Variants in RUNX1 observed in about 807,000 individuals in gnomAD.
The protein encoded by RUNX1 is runt-related transcription factor 1.
In RUNX1, 19 loss-of-function variants were observed where a neutral mutation model predicts 42.8. That is an observed-to-expected ratio of 0.44 (90% CI 0.31 to 0.65). The LOEUF (loss-of-function observed/expected upper bound fraction) is 0.65. RUNX1 is among the 30% of genes least tolerant of loss of function. The pLI is 0.07. For missense variants in RUNX1, 528 were observed against 672.0 expected, an observed-to-expected ratio of 0.79 and a Z score of 2.37; for synonymous variants, 271 against 289.4, an observed-to-expected ratio of 0.94 and a Z score of 0.64.
intron 2 of RUNX1, among the ~76,000 whole-genome samples, chr21:34,994,220 T>A (rs1482055178): frequency 6.6e-6 from 1 of 151,882 alleles, no homozygotes; most frequent in Non-Finnish European, 1.5e-5. Context: ...TTGCTATTCA[T>A]ATATTTTTTA....
chr21:34,841,314 G>A (rs947009843), intron 6 of RUNX1, among the ~76,000 whole-genome samples: 6 of 152,062 alleles, frequency 3.9e-5, no homozygotes, highest in African/African-American at 9.7e-5. Flanking sequence ...CCCACTCAGC[G>A]ATTTCTAGAG....
At chr21:35,017,930 C>A (rs1188353411) in intron 2 of RUNX1, among the ~76,000 whole-genome samples, 1 of 152,128 alleles carries the variant, frequency 6.6e-6, no homozygotes, top group Non-Finnish European at 1.5e-5. Flanking sequence ...AGCAAGGGCA[C>A]CCCAGATATT....
intron 2 of RUNX1, among the ~76,000 whole-genome samples, chr21:34,925,477 G>A (rs910737397): frequency 2.0e-5 from 3 of 152,146 alleles, no homozygotes; most frequent in African/African-American, 7.2e-5. Flanking sequence ...CAGACACAAT[G>A]GGAGAAAGCC....
intron 2 of RUNX1, among the ~76,000 whole-genome samples, chr21:34,943,743 T>G (rs2146641597): frequency 6.6e-6 from 1 of 152,330 alleles, no homozygotes; most frequent in Middle Eastern, 3.4e-3. Flanking sequence ...TACCTGATTA[T>G]TGGCAACTGG....
At chr21:34,819,359 G>A (rs892418167) in intron 7 of RUNX1, among the ~76,000 whole-genome samples, 3 of 152,212 alleles carry the variant, frequency 2.0e-5, no homozygotes, top group Non-Finnish European at 4.4e-5. Context: ...GGAAGATGGA[G>A]ATGACAGGTC....
chr21:34,964,478 ACTC>A (rs1351074635), intron 2 of RUNX1, among the ~76,000 whole-genome samples: 1 of 130,798 alleles, frequency 7.6e-6, no homozygotes, highest in Non-Finnish European at 1.6e-5. Context: ...ACAGAGCGAG[ACTC>A]CATCTCAAAA....
In RUNX1 at chr21:34,887,559, G is replaced by A. The variant is rs1601530757; in HGVS notation, c.98-463C>T. ...GTTAATGCCTGTCAGTTTTTTGCAG[G>A]TGAGTTTTGTCTAAAGTCCCAACAG... On this transcript the variant is annotated intron_variant, in intron 3 of 8. Coordinates refer to ENST00000675419, the MANE Select transcript of RUNX1 (RefSeq NM_001754.5). The A allele has an allele frequency of 1.7e-5, 19 of 1,126,516 alleles. No individual in the cohort carries two copies. In the South Asian group the frequency reaches 4.3e-4, roughly 25 times the overall value. 69.8% of individuals were successfully genotyped at this position (1,126,516 alleles called of 1,614,324 possible).
intron 2 of RUNX1, among the ~76,000 whole-genome samples, chr21:34,950,371 C>G (rs73900724): frequency 0.019 from 2,938 of 152,186 alleles, 95 homozygotes; most frequent in African/African-American, 0.067. Flanking sequence ...TACTGCAGAT[C>G]TAGAGTATAA....
chr21:34,853,008 C>T (rs1025559765), intron 6 of RUNX1, among the ~76,000 whole-genome samples: 1 of 152,194 alleles, frequency 6.6e-6, no homozygotes, highest in Non-Finnish European at 1.5e-5. Flanking sequence ...GCTGTGCACA[C>T]GGGCCCTCCA....
chr21:34,826,735 G>A (rs944825786), intron 7 of RUNX1, among the ~76,000 whole-genome samples: 5 of 152,104 alleles, frequency 3.3e-5, no homozygotes, highest in Admixed American at 2.6e-4. Flanking sequence ...ATGAGCCACT[G>A]TGCCCAGCTG....
chr21:34,818,211 G>A (rs2056857844), intron 7 of RUNX1, among the ~76,000 whole-genome samples: 2 of 152,240 alleles, frequency 1.3e-5, no homozygotes, highest in Non-Finnish European at 1.5e-5. Flanking sequence ...CCCCTGGGCT[G>A]CTCCACTCCC....
At chr21:34,804,370 T>A (rs1416596488) in intron 7 of RUNX1, among the ~76,000 whole-genome samples, 2 of 152,126 alleles carry the variant, frequency 1.3e-5, no homozygotes, top group Non-Finnish European at 2.9e-5. Flanking sequence ...GAGGAGTTCA[T>A]AGAGAAGCTC....
intron 2 of RUNX1, among the ~76,000 whole-genome samples, chr21:34,941,222 T>G (rs962375989): frequency 5.3e-5 from 8 of 152,222 alleles, no homozygotes; most frequent in Non-Finnish European, 1.2e-4. Flanking sequence ...TTAGCCTCTG[T>G]GCCTCCAGGG....
rs2268295 is a variant in RUNX1 at position 34,871,435 on chromosome 21, C to T, written c.508+9122G>A. On this transcript the variant is annotated intron_variant, in intron 5 of 8. Transcript: ENST00000675419. Reference sequence around the variant, plus strand: ...AAGGAAAATTAGGCGTGAGGGTCCCCATGCAGCACAAAAGCAAGGAAACGG... The same window carrying T: ...AAGGAAAATTAGGCGTGAGGGTCCCTATGCAGCACAAAAGCAAGGAAACGG... Among the ~76,000 whole-genome samples the T allele has an allele frequency of 5.2e-4, 79 of 152,332 alleles. 3 individuals carry two copies. In the East Asian group the frequency reaches 0.015, roughly 29 times the overall value.
At chr21:35,048,733 G>C in intron 2 of RUNX1, 109 bp downstream of exon 2, 1 of 881,458 alleles carries the variant, frequency 1.1e-6, no homozygotes, top group Non-Finnish European at 1.9e-6. Flanking sequence ...AAACAAGACA[G>C]GGAACTGGCA....
chr21:35,043,113 C>T (rs1460796716), intron 2 of RUNX1, among the ~76,000 whole-genome samples: 2 of 152,064 alleles, frequency 1.3e-5, no homozygotes, highest in South Asian at 2.1e-4. Context: ...GGTTTTGAGC[C>T]CTGTTTTGTG....
chr21:34,936,228 C>G (rs1488523763), intron 2 of RUNX1, among the ~76,000 whole-genome samples: 2 of 151,722 alleles, frequency 1.3e-5, no homozygotes, highest in African/African-American at 4.9e-5. Flanking sequence ...TTCGTTTCCC[C>G]CCTCATATTC....
At chr21:34,869,289 C>T (rs775350603) in intron 5 of RUNX1, among the ~76,000 whole-genome samples, 2 of 152,138 alleles carry the variant, frequency 1.3e-5, no homozygotes, top group African/African-American at 4.8e-5. Flanking sequence ...CTTTTATCAT[C>T]CTAACATAGA....
intron 2 of RUNX1, among the ~76,000 whole-genome samples, chr21:35,027,327 G>A (rs1178309195): frequency 1.3e-5 from 2 of 152,204 alleles, no homozygotes; most frequent in African/African-American, 4.8e-5. Context: ...CGGGGCTCTT[G>A]AGCAAATGGG....
Sources: allele counts gnomAD v4.1 joint callset (sites outside exome capture counted in the v4.1 genomes callset), GRCh38; gene constraint gnomAD v4.1.1; transcripts MANE v1.5; gene names NCBI Gene and HGNC (gene_info 2026-07-23, HGNC 2026-07-21).